The following DDO variants were observed in gnomAD, a reference collection of about 807,000 sequenced individuals.
The protein encoded by DDO is D-aspartate oxidase, also known as D-aspartate oxidase, DDO.
DDO carries 16 observed loss-of-function variants against 16.8 expected under a neutral mutation model. The ratio of observed to expected loss-of-function variants is 0.95; its 90% CI spans 0.65 to 1.45. The LOEUF is 1.45. Ranked by LOEUF, DDO falls within the 40% of genes most tolerant of loss-of-function variation. DDO has a pLI of 0.00. For synonymous variants in DDO, 180 were observed against 167.2 expected (o/e 1.08, Z -0.59); for missense variants, 429 against 420.3 (o/e 1.02, Z -0.18).
rs765741938 is a variant in DDO at position 110,392,943 on chromosome 6, C to A, written c.858G>T (p.Leu286=). Residue 286 remains leucine (L), a synonymous_variant, in exon 5 of 5, where the codon CTG becomes CTT. Transcript: ENST00000368924. ...CATCTCGCGCAAGGAGCTCTGTCTGCAGTCGCACGCCTGGCCTGTAGGGCC... is the reference window on the plus strand; with the variant it reads ...CATCTCGCGCAAGGAGCTCTGTCTGAAGTCGCACGCCTGGCCTGTAGGGCC... The part of the protein sequence containing the change: ...GLRPYRPGVR[L]QTELLARDGQ... 2 of 1,614,200 alleles carry A rather than the reference C, an allele frequency of 1.2e-6. No homozygotes were observed. The highest frequency in any genetic ancestry group is 2.2e-5 in the South Asian group (2 of 91,082).
downstream of DDO, among the ~76,000 whole-genome samples, chr6:110,389,297 T>A (rs1288579220): frequency 6.6e-6 from 1 of 152,142 alleles, no homozygotes; most frequent in Non-Finnish European, 1.5e-5. Flanking sequence ...CTGCATCAGC[T>A]CTCCTGGGCC....
intron 4 of DDO, 26 bp downstream of exon 4, chr6:110,404,748 A>T: frequency 6.2e-7 from 1 of 1,610,986 alleles, no homozygotes; most frequent in Non-Finnish European, 8.5e-7. Context: ...ACAGATAAGG[A>T]AATATCAGGG....
rs151067781 is a variant in DDO, at chr6:110,415,488, T to A, written c.-26A>T. The A allele has an allele frequency of 6.2e-7, 1 of 1,614,234 alleles. No homozygotes were observed. Among genetic ancestry groups the A allele is most frequent in the African/African-American group, 1.3e-5 (1 of 75,064 alleles). ...GTACCTGTCTCTGAAAAAGCAGTCTTGGAAGCCACCAAAATCTCTGGCACC... is the reference window on the plus strand; with the variant it reads ...GTACCTGTCTCTGAAAAAGCAGTCTAGGAAGCCACCAAAATCTCTGGCACC... On this transcript the variant is annotated 5_prime_UTR_variant, in exon 1 of 5. Transcript: ENST00000368924.
At chr6:110,403,225 T>C (rs76072949) in intron 4 of DDO, among the ~76,000 whole-genome samples, 2,006 of 152,360 alleles carry the variant, frequency 0.013, 19 homozygotes, top group African/African-American at 0.023. Flanking sequence ...TATTTTATTT[T>C]ATTGCCTTTT....
At chr6:110,404,972 T>C (rs1773600851) in intron 3 of DDO, 22 bp from the exon 4 acceptor site, 2 of 1,603,732 alleles carry the variant, frequency 1.2e-6, no homozygotes, top group Non-Finnish European at 1.7e-6. Context: ...TAAGTGAACA[T>C]TTTTTCCTGA....
chr6:110,394,753 C>T (rs140809594), intron 4 of DDO, among the ~76,000 whole-genome samples: 14 of 152,342 alleles, frequency 9.2e-5, no homozygotes, highest in African/African-American at 3.4e-4. Flanking sequence ...TTGGCCAACT[C>T]ACCTCACTTC....
downstream of DDO, among the ~76,000 whole-genome samples, chr6:110,391,398 G>A (rs1773097067): frequency 7.0e-6 from 1 of 142,666 alleles, no homozygotes; most frequent in Non-Finnish European, 1.5e-5. Context: ...CACCCAGGCT[G>A]GAGTGTAATG....
Position 110,392,144 on chromosome 6 carries a change from GC to G in DDO, c.*630del. ...TGCTGCTAGTACTAGGAGCAAGCAT[GC>G]TTTGTCTTCAATTAAATGTAATAAT... On this transcript the variant is annotated 3_prime_UTR_variant, in exon 5 of 5. Transcript: ENST00000368924. 1 of 977,452 alleles carries G rather than the reference GC, an allele frequency of 1.0e-6. No individual in the cohort carries two copies. Among genetic ancestry groups the G allele is most frequent in the Non-Finnish European group, 1.2e-6 (1 of 822,636 alleles). 60.5% of individuals were successfully genotyped at this position (977,452 alleles called of 1,614,324 possible).
At chr6:110,402,624 A>C (rs759797045) in intron 4 of DDO, among the ~76,000 whole-genome samples, 4 of 152,232 alleles carry the variant, frequency 2.6e-5, no homozygotes, top group Non-Finnish European at 4.4e-5. Context: ...ACGCCACTGC[A>C]CTTCAGCCTG....
intron 4 of DDO, among the ~76,000 whole-genome samples, chr6:110,398,047 T>C (rs574495487): frequency 6.6e-6 from 1 of 152,272 alleles, no homozygotes; most frequent in South Asian, 2.1e-4. Context: ...GACTTTCCTC[T>C]TGGGGCTTCT....
intron 4 of DDO, among the ~76,000 whole-genome samples, chr6:110,399,954 G>C (rs1773421565): frequency 6.6e-6 from 1 of 152,344 alleles, no homozygotes. Context: ...CCTCCCCGCT[G>C]CCCATAACCG....
intron 2 of DDO, among the ~76,000 whole-genome samples, chr6:110,412,574 C>T (rs540660546): frequency 4.6e-5 from 7 of 152,168 alleles, no homozygotes; most frequent in Non-Finnish European, 1.0e-4. Flanking sequence ...TCATCAGAAG[C>T]GTTGAAAGTC....
rs1408843076 is a variant in DDO at position 110,415,455 on chromosome 6, G to A, written c.-5+12C>T. 1.9e-6 allele frequency: 3 copies of A among 1,613,942 alleles called. No individual in the cohort carries two copies. The highest frequency in any genetic ancestry group is 2.5e-6 in the Non-Finnish European group (3 of 1,179,974). ...GGAACGACCCCTCAGCTGAAAGCAA[G>A]AATTCAAGTACCTGTCTCTGAAAAA... On this transcript the variant is annotated intron_variant, in intron 1 of 4. Coordinates refer to ENST00000368924, the MANE Select transcript of DDO (RefSeq NM_001372108.2).
chr6:110,401,076 A>C (rs1339444984), intron 4 of DDO, among the ~76,000 whole-genome samples: 3 of 152,212 alleles, frequency 2.0e-5, no homozygotes, highest in Non-Finnish European at 2.9e-5. Flanking sequence ...GCCAAGGACA[A>C]CTGTCTTCAG....
At position 110,398,728 on chromosome 6, in the gene DDO, CAGG is replaced by C. The variant is rs1379622628; in HGVS notation, c.459-5389_459-5387del. Among the ~76,000 whole-genome samples the C allele has an allele frequency of 5.9e-5, 9 of 152,022 alleles. No individual in the cohort carries two copies. The South Asian group carries it at 1.7e-3, about 28-fold the overall frequency. ...AGGCCGAGCAGGAGAACACAAGATACAGGAGAAGAAAAAGATGGGCATTAGAGG... is the reference window on the plus strand; with the variant it reads ...AGGCCGAGCAGGAGAACACAAGATACAGAAGAAAAAGATGGGCATTAGAGG... On this transcript the variant is annotated intron_variant, in intron 4 of 4. Transcript: ENST00000368924.
chr6:110,402,436 G>A (rs896819985), intron 4 of DDO, among the ~76,000 whole-genome samples: 8 of 152,106 alleles, frequency 5.3e-5, no homozygotes, highest in African/African-American at 1.9e-4. Context: ...AGGCCGAGAC[G>A]GGTGGATCAC....
At position 110,392,513 on chromosome 6, in the gene DDO, T is replaced by C; in HGVS notation, c.*262A>G. The C allele has an allele frequency of 8.6e-7, 1 of 1,164,912 alleles. No individual in the cohort carries two copies. The highest frequency in any genetic ancestry group is 1.1e-6 in the Non-Finnish European group (1 of 946,490). The allele number at this position is 1,164,912 out of a possible 1,614,324, so 72.2% of individuals were successfully genotyped here. A position where few individuals can be genotyped will look rare whatever the true frequency, so the allele number is the denominator to read the frequency against. ...CATTTCTTTTGTTGTTGGTGTTTTT[T>C]TTAGAGGTGGGAACTGGCACCTCTA... On this transcript the variant is annotated 3_prime_UTR_variant, in exon 5 of 5. Transcript: ENST00000368924.
In DDO at chr6:110,404,867, G is replaced by C. The variant is rs1291737638; in HGVS notation, c.365C>G (p.Ala122Gly). 2 of 1,614,046 alleles carry C rather than the reference G, an allele frequency of 1.2e-6. No individual in the cohort carries two copies. The highest frequency in any genetic ancestry group is 2.7e-5 in the African/African-American group (2 of 74,922). The part of the protein sequence containing the change: ...VVLGFRKMTE[A>G]ELKKFPQYVF... ...ATACTGGGGGAATTTCTTCAGCTCA[G>C]CCTCAGTCATCTTTCGAAATCCCAG... Residue 122 changes from alanine to glycine, a missense_variant, in exon 4 of 5, where the codon GCT becomes GGT. Ala to Gly is a moderately conservative substitution (Grantham distance 60). Coordinates refer to ENST00000368924, the MANE Select transcript of DDO (RefSeq NM_001372108.2).
intron 4 of DDO, among the ~76,000 whole-genome samples, chr6:110,398,768 G>A (rs1224953160): frequency 6.6e-6 from 1 of 152,208 alleles, no homozygotes; most frequent in African/African-American, 2.4e-5. Flanking sequence ...CTCCCCCAGA[G>A]AAAGTTACAG....
Sources: allele counts gnomAD v4.1 joint callset (sites outside exome capture counted in the v4.1 genomes callset), GRCh38; gene constraint gnomAD v4.1.1; transcripts MANE v1.5; gene names NCBI Gene and HGNC (gene_info 2026-07-23, HGNC 2026-07-21).